The following CLEC2L variants were observed in gnomAD, a reference collection of about 807,000 sequenced individuals.
CLEC2L encodes the protein C-type lectin domain family 2 member L.
Under a neutral mutation model 23.6 loss-of-function variants are expected in CLEC2L, and 14 were observed. The observed-to-expected ratio is 0.59, with a 90% CI of 0.39 to 0.93. The LOEUF (loss-of-function observed/expected upper bound fraction) is 0.93. Among genes scored for constraint, CLEC2L ranks in the 40% least tolerant of loss-of-function variants. CLEC2L has a pLI of 0.00. For missense variants in CLEC2L, 264 were observed against 282.4 expected (o/e 0.93, Z 0.47); for synonymous variants, 114 against 121.3 (o/e 0.94, Z 0.40).
At chr7:139,538,343 G>A (rs1055748467) in intron 2 of CLEC2L, among the ~76,000 whole-genome samples, 2 of 150,670 alleles carry the variant, frequency 1.3e-5, no homozygotes, top group Non-Finnish European at 2.9e-5. Context: ...TGAGGAAGAA[G>A]AACCACTTGA....
intron 1 of CLEC2L, among the ~76,000 whole-genome samples, chr7:139,526,546 G>A (rs930195248): frequency 3.9e-5 from 6 of 152,178 alleles, no homozygotes; most frequent in African/African-American, 1.4e-4. Flanking sequence ...TGGGCCCTGG[G>A]CACATTTATG....
intron 4 of CLEC2L, among the ~76,000 whole-genome samples, chr7:139,543,591 T>G (rs563853445): frequency 6.6e-6 from 1 of 152,110 alleles, no homozygotes; most frequent in South Asian, 2.1e-4. Context: ...TGATTTGAGG[T>G]AGGGGGGAAT....
rs1406890672 is a variant in CLEC2L, at chr7:139,540,633, G to A, written c.432+146G>A. ...CCCACCTGCTGCATAACCACTTGGGGTGCAGGCAGACCTCACAGTCTGAGC... is the reference window on the plus strand; with the variant it reads ...CCCACCTGCTGCATAACCACTTGGGATGCAGGCAGACCTCACAGTCTGAGC... On this transcript the variant is annotated intron_variant, in intron 3 of 4. Transcript: ENST00000422142. This position sits in a 1 kb window ranked among gnomAD's most constrained non-coding sequence, Gnocchi z 5.8. 1.1e-6 allele frequency: 1 copy of A among 895,058 alleles called. No individual in the cohort carries two copies. The highest frequency in any genetic ancestry group is 1.7e-6 in the Non-Finnish European group (1 of 574,068). 55.4% of individuals were successfully genotyped at this position (895,058 alleles called of 1,614,324 possible).
In CLEC2L at chr7:139,525,461, G is replaced by A. The variant is rs553106095; in HGVS notation, c.190+1344G>A. Among the ~76,000 whole-genome samples, 5 of 152,190 alleles carry A rather than the reference G, an allele frequency of 3.3e-5. No individual in the cohort carries two copies. The East Asian group carries it at 5.8e-4, about 18-fold the overall frequency. ...AGACAGTGGCAGGGACAGAGGAGGCGAAGATGTTGCGTCACCAAGGAGAAG... is the reference window on the plus strand; with the variant it reads ...AGACAGTGGCAGGGACAGAGGAGGCAAAGATGTTGCGTCACCAAGGAGAAG... On this transcript the variant is annotated intron_variant, in intron 1 of 4. Coordinates refer to ENST00000422142, the MANE Select transcript of CLEC2L (RefSeq NM_001080511.4).
chr7:139,540,404 G>A lies in CLEC2L; in HGVS notation c.349G>A (p.Glu117Lys), dbSNP rs1797717464. Residue 117 changes from glutamate (E) to lysine (K), a missense_variant, in exon 3 of 5, where the codon GAA (glutamate) becomes AAA (lysine). By Grantham distance (56) the Glu-to-Lys change is moderately conservative (BLOSUM62 1). Transcript: ENST00000422142. This position sits in a 1 kb window ranked among gnomAD's most constrained non-coding sequence, Gnocchi z 5.8. ...AAGGAAGTGCTACTTCTTTTCCGAGGAACCCAGAGACTGGAACACAGGCAG... is the reference window on the plus strand; with the variant it reads ...AAGGAAGTGCTACTTCTTTTCCGAGAAACCCAGAGACTGGAACACAGGCAG... Reference protein sequence around the residue: ...YGRKCYFFSEEPRDWNTGRQY... With the variant: ...YGRKCYFFSEKPRDWNTGRQY... 6.2e-7 allele frequency: 1 copy of A among 1,609,374 alleles called. No individual in the cohort carries two copies. The highest frequency in any genetic ancestry group is 8.5e-7 in the Non-Finnish European group (1 of 1,178,190).
chr7:139,537,972 G>C (rs1446838410), intron 2 of CLEC2L, among the ~76,000 whole-genome samples: 1 of 152,180 alleles, frequency 6.6e-6, no homozygotes, highest in Non-Finnish European at 1.5e-5. Context: ...GTTCTGAAGG[G>C]TTTGCAAAAA....
In CLEC2L at chr7:139,540,633, G is replaced by T. The variant is rs1406890672; in HGVS notation, c.432+146G>T. ...CCCACCTGCTGCATAACCACTTGGGGTGCAGGCAGACCTCACAGTCTGAGC... is the reference window on the plus strand; with the variant it reads ...CCCACCTGCTGCATAACCACTTGGGTTGCAGGCAGACCTCACAGTCTGAGC... On this transcript the variant is annotated intron_variant, in intron 3 of 4. Coordinates refer to ENST00000422142, the MANE Select transcript of CLEC2L (RefSeq NM_001080511.4). The surrounding 1 kb of genome is among the most constrained non-coding windows in gnomAD (Gnocchi z 5.8). The T allele has an allele frequency of 3.4e-6, 3 of 894,940 alleles. No individual in the cohort carries two copies. Among genetic ancestry groups the T allele is most frequent in the Middle Eastern group, 3.3e-4 (1 of 3,022 alleles). 55.4% of individuals were successfully genotyped at this position (894,940 alleles called of 1,614,324 possible). A position where few individuals can be genotyped will look rare whatever the true frequency, so the allele number is the denominator to read the frequency against.
At chr7:139,542,686 CG>C (rs1370573222) in intron 4 of CLEC2L, among the ~76,000 whole-genome samples, 2 of 152,180 alleles carry the variant, frequency 1.3e-5, no homozygotes, top group African/African-American at 4.8e-5. Flanking sequence ...TCTTGATGGA[CG>C]GAGCGCTGCT....
chr7:139,524,011 C>T lies in CLEC2L; in HGVS notation c.84C>T (p.Pro28=). Residue 28 remains proline, a synonymous_variant, in exon 1 of 5, where the codon CCC becomes CCT. Transcript: ENST00000422142. Reference sequence around the variant, plus strand: ...GCCCCGCGCCCGCCCCCGCCGCCCCCAGGCCGCGTTCGCCCGCAGAGGCTG... The same window carrying T: ...GCCCCGCGCCCGCCCCCGCCGCCCCTAGGCCGCGTTCGCCCGCAGAGGCTG... The part of the protein sequence containing the change: ...AARPAPAPAA[P]RPRSPAEAEA... 8.9e-7 allele frequency: 1 copy of T among 1,126,252 alleles called. No individual in the cohort carries two copies. Among genetic ancestry groups the T allele is most frequent in the Non-Finnish European group, 1.1e-6 (1 of 919,930 alleles). 69.8% of individuals were successfully genotyped at this position (1,126,252 alleles called of 1,614,324 possible).
At chr7:139,542,982 G>A (rs1404226967) in intron 4 of CLEC2L, among the ~76,000 whole-genome samples, 1 of 152,128 alleles carries the variant, frequency 6.6e-6, no homozygotes, top group East Asian at 1.9e-4. Flanking sequence ...CATGGGGTGG[G>A]GTGGGGAACA....
At position 139,527,317 on chromosome 7, in the gene CLEC2L, G is replaced by A. The variant is rs113869913; in HGVS notation, c.190+3200G>A. Among the ~76,000 whole-genome samples the A allele has an allele frequency of 5.5e-3, 838 of 152,180 alleles. 7 individuals carry two copies. The highest frequency in any genetic ancestry group is 0.019 in the African/African-American group (799 of 41,522). On this transcript the variant is annotated intron_variant, in intron 1 of 4. Transcript: ENST00000422142. The stretch of plus-strand genomic sequence containing the variant: ...CGTCAGCCTTGGTGAAGCTAGCTGG[G>A]GATCATCAAATTCCCACACACACGC...
chr7:139,529,014 A>T (rs1797542884), intron 1 of CLEC2L, among the ~76,000 whole-genome samples: 2 of 152,202 alleles, frequency 1.3e-5, no homozygotes, highest in Admixed American at 1.3e-4. Context: ...GGTGTAACTA[A>T]ATTTCTCCCA....
chr7:139,540,292 G>GCC lies in CLEC2L; in HGVS notation c.266-28_266-27insCC. 1 of 928,694 alleles carries GCC rather than the reference G, an allele frequency of 1.1e-6. No homozygotes were observed. Among genetic ancestry groups the GCC allele is most frequent in the South Asian group, 1.3e-5 (1 of 75,066 alleles). The allele number at this position is 928,694 out of a possible 1,614,324, so 57.5% of individuals were successfully genotyped here. On this transcript the variant is annotated intron_variant, in intron 2 of 4. Transcript: ENST00000422142. The surrounding 1 kb of genome is among the most constrained non-coding windows in gnomAD (Gnocchi z 5.8). ...AGTGGGACTCGGGCTGGGGGGGCGG[G>GCC]CAGGGCCGAGCTGGTCTCTTCCCTG...
Position 139,544,397 on chromosome 7 carries a change from T to G in CLEC2L, c.*55T>G. The G allele has an allele frequency of 1.5e-6, 2 of 1,297,326 alleles. No individual in the cohort carries two copies. Among genetic ancestry groups the G allele is most frequent in the Non-Finnish European group, 2.2e-6 (2 of 912,276 alleles). 80.4% of individuals were successfully genotyped at this position (1,297,326 alleles called of 1,614,324 possible). On this transcript the variant is annotated 3_prime_UTR_variant, in exon 5 of 5. Coordinates refer to ENST00000422142, the MANE Select transcript of CLEC2L (RefSeq NM_001080511.4). ...CTAGGCCTGTGGGAGGTGTCTGGTGTCTGCTCAAGACCTGCTTCCAGCGGA... is the reference window on the plus strand; with the variant it reads ...CTAGGCCTGTGGGAGGTGTCTGGTGGCTGCTCAAGACCTGCTTCCAGCGGA...
At position 139,524,043 on chromosome 7, in the gene CLEC2L, G is replaced by A. The variant is rs1323624627; in HGVS notation, c.116G>A (p.Arg39His). 2.5e-6 allele frequency: 3 copies of A among 1,203,730 alleles called. No homozygotes were observed. Among genetic ancestry groups the A allele is most frequent in the African/African-American group, 1.6e-5 (1 of 63,192 alleles). The allele number at this position is 1,203,730 out of a possible 1,614,324, so 74.6% of individuals were successfully genotyped here. ...CGTTCGCCCGCAGAGGCTGAGGCCC[G>A]CGGCCCCGAGGGGCTGCTGCGGCGA... is the stretch of plus-strand genomic sequence containing the variant. ...RPRSPAEAEA[R>H]GPEGLLRRSG... Residue 39 changes from arginine to histidine, a missense_variant, in exon 1 of 5, where the codon CGC (arginine) becomes CAC (histidine). Arg to His is a conservative substitution (Grantham distance 29). Transcript: ENST00000422142.
At chr7:139,542,181 C>T (rs1187256768) in intron 4 of CLEC2L, 60 bp downstream of exon 4, 2 of 1,147,630 alleles carry the variant, frequency 1.7e-6, no homozygotes, top group East Asian at 2.5e-5. Context: ...CTGACTCACC[C>T]CCTGGACACA....
At chr7:139,536,663 T>G (rs1447137264) in intron 2 of CLEC2L, among the ~76,000 whole-genome samples, 2 of 152,112 alleles carry the variant, frequency 1.3e-5, no homozygotes, top group Non-Finnish European at 2.9e-5. Context: ...GGAGATGGTT[T>G]GGGAATAAGG....
rs76725613 is a variant in CLEC2L at position 139,540,011 on chromosome 7, G to A, written c.266-310G>A. 0.013 allele frequency: 4,645 copies of A among 361,444 alleles called. 181 individuals are homozygous for A. The highest frequency in any genetic ancestry group is 0.087 in the African/African-American group (4,200 of 48,238). The allele number at this position is 361,444 out of a possible 1,614,324, so 22.4% of individuals were successfully genotyped here. A position where few individuals can be genotyped will look rare whatever the true frequency, so the allele number is the denominator to read the frequency against. On this transcript the variant is annotated intron_variant, in intron 2 of 4. Transcript: ENST00000422142. This position sits in a 1 kb window ranked among gnomAD's most constrained non-coding sequence, Gnocchi z 5.8. ...AGCTGGAAGGAGAGGACACATAGCCGCCAGACCTCTTCCCAGTCTGAGTTT... is the reference window on the plus strand; with the variant it reads ...AGCTGGAAGGAGAGGACACATAGCCACCAGACCTCTTCCCAGTCTGAGTTT...
chr7:139,524,316 C>T (rs1797474989), intron 1 of CLEC2L, among the ~76,000 whole-genome samples, 199 bp downstream of exon 1: 1 of 152,166 alleles, frequency 6.6e-6, no homozygotes, highest in South Asian at 2.1e-4. Flanking sequence ...GAACCGGGGG[C>T]CACCGCGAGT....
Sources: gnomAD v4.1 joint callset for allele counts (sites outside exome capture counted in the v4.1 genomes callset) on GRCh38, gnomAD v4.1.1 for gene constraint, Gnocchi (gnomAD v3.1) non-coding constraint, MANE v1.5 for transcripts, NCBI Gene and HGNC (gene_info 2026-07-23, HGNC 2026-07-21) for gene names.